NRG1: variants seen among roughly 807,000 people sequenced by gnomAD.
NRG1 encodes the protein neuregulin 1.
Under a neutral mutation model 63.8 loss-of-function variants are expected in NRG1, and 18 were observed. That is an observed-to-expected ratio of 0.28 (90% CI 0.19 to 0.42). The LOEUF is 0.42. Among genes scored for constraint, NRG1 ranks in the 10% least tolerant of loss-of-function variants. NRG1 has a pLI of 1.00. For synonymous variants in NRG1, 302 were observed against 301.3 expected (o/e 1.00, Z -0.02); for missense variants, 762 against 814.7 (o/e 0.94, Z 0.79).
At chr8:32,491,497 G>C (rs536284147) in intron 1 of NRG1, among the ~76,000 whole-genome samples, 2 of 152,306 alleles carry the variant, frequency 1.3e-5, no homozygotes, top group Admixed American at 6.5e-5. Context: ...GGGAGTTTAT[G>C]AGCAAAATGT....
chr8:31,767,690 A>C (rs1818206915), intron 1 of NRG1, among the ~76,000 whole-genome samples: 1 of 151,966 alleles, frequency 6.6e-6, no homozygotes, highest in South Asian at 2.1e-4. Context: ...AAATACAAAA[A>C]TGAGCTGGGC....
intron 1 of NRG1, among the ~76,000 whole-genome samples, chr8:32,204,250 G>A (rs943120644): frequency 2.0e-5 from 3 of 152,168 alleles, no homozygotes; most frequent in Non-Finnish European, 1.5e-5. Context: ...GCTCTTACTT[G>A]GTATAAGACA....
intron 5 of NRG1, among the ~76,000 whole-genome samples, chr8:32,700,452 T>C (rs887585467): frequency 6.6e-6 from 1 of 152,182 alleles, no homozygotes; most frequent in Non-Finnish European, 1.5e-5. Context: ...ATACTTTTCC[T>C]TGAGTGTAAA....
chr8:32,547,903 C>G (rs2129522920), upstream of NRG1, among the ~76,000 whole-genome samples: 1 of 152,306 alleles, frequency 6.6e-6, no homozygotes, highest in Admixed American at 6.5e-5. Context: ...AAACTTTTCT[C>G]TGCGCCGTCC....
At chr8:32,172,879 G>A (rs1248206905) in intron 1 of NRG1, among the ~76,000 whole-genome samples, 2 of 152,216 alleles carry the variant, frequency 1.3e-5, no homozygotes, top group African/African-American at 4.8e-5. Flanking sequence ...GTAACTGAAA[G>A]TGATGGGGAG....
intron 1 of NRG1, among the ~76,000 whole-genome samples, chr8:32,055,811 TTGG>T (rs1467431968): frequency 6.6e-6 from 1 of 152,080 alleles, no homozygotes; most frequent in Non-Finnish European, 1.5e-5. Flanking sequence ...TAGAGCCCCC[TTGG>T]TGGTGTTTTC....
intron 1 of NRG1, among the ~76,000 whole-genome samples, chr8:31,841,243 T>G (rs1385592755): frequency 8.7e-5 from 12 of 138,174 alleles, no homozygotes; most frequent in South Asian, 2.4e-4. Context: ...GAATGGGGGG[T>G]GGGTGGGCTT....
chr8:31,728,106 A>G (rs1015283006), intron 1 of NRG1, among the ~76,000 whole-genome samples: 2 of 152,214 alleles, frequency 1.3e-5, no homozygotes, highest in African/African-American at 4.8e-5. Flanking sequence ...TCCACATAAT[A>G]GTTTCAAACC....
At chr8:32,432,188 C>CTA (rs1161667914) in intron 1 of NRG1, among the ~76,000 whole-genome samples, 1 of 152,076 alleles carries the variant, frequency 6.6e-6, no homozygotes, top group African/African-American at 2.4e-5. Context: ...ATTAGGTAAA[C>CTA]CTGGGCTCAT....
At chr8:32,258,677 C>T (rs553371268) in intron 1 of NRG1, among the ~76,000 whole-genome samples, 6 of 152,076 alleles carry the variant, frequency 3.9e-5, no homozygotes, top group Admixed American at 6.5e-5. Context: ...CATCAGATCT[C>T]GTGAGAACTC....
chr8:31,659,533 C>A (rs1338422524), intron 1 of NRG1, among the ~76,000 whole-genome samples: 1 of 152,080 alleles, frequency 6.6e-6, no homozygotes, highest in Non-Finnish European at 1.5e-5. Context: ...ACCCGACCCT[C>A]AGGAGCAACA....
chr8:32,280,113 A>G (rs1407758212), intron 1 of NRG1, among the ~76,000 whole-genome samples: 1 of 149,442 alleles, frequency 6.7e-6, no homozygotes, highest in African/African-American at 2.4e-5. Flanking sequence ...TATGAATAAT[A>G]AATGAATGAA....
intron 1 of NRG1, among the ~76,000 whole-genome samples, chr8:32,081,322 A>G (rs1351255603): frequency 6.6e-6 from 1 of 152,164 alleles, no homozygotes; most frequent in Non-Finnish European, 1.5e-5. Flanking sequence ...TGTAGTCCAC[A>G]TCATGGAGGT....
chr8:32,278,003 G>A (rs1054810703), intron 1 of NRG1, among the ~76,000 whole-genome samples: 8 of 152,186 alleles, frequency 5.3e-5, no homozygotes. Context: ...CAACATCCGT[G>A]CCAAACCTTT....
chr8:32,663,660 A>G (rs1803427166), intron 5 of NRG1, among the ~76,000 whole-genome samples: 2 of 152,196 alleles, frequency 1.3e-5, no homozygotes, highest in Admixed American at 6.5e-5. Context: ...TCTGGAAAGT[A>G]AAAAGCAGCA....
chr8:32,706,501 C>T (rs1433863807), intron 5 of NRG1, among the ~76,000 whole-genome samples: 1 of 151,970 alleles, frequency 6.6e-6, no homozygotes, highest in South Asian at 2.1e-4. Context: ...TAGCTTTTTT[C>T]TGAGTTAAAC....
chr8:32,244,106 C>T (rs1848391319), intron 1 of NRG1, among the ~76,000 whole-genome samples: 1 of 152,156 alleles, frequency 6.6e-6, no homozygotes, highest in African/African-American at 2.4e-5. Flanking sequence ...GCTCAGCAAT[C>T]AAATTTATTT....
At chr8:31,760,676 A>G (rs547195878) in intron 1 of NRG1, among the ~76,000 whole-genome samples, 1 of 152,302 alleles carries the variant, frequency 6.6e-6, no homozygotes, top group African/African-American at 2.4e-5. Flanking sequence ...GAAGACATTT[A>G]TGCAGCCAAA....
chr8:32,428,033 G>A (rs1042838923), intron 1 of NRG1, among the ~76,000 whole-genome samples: 40 of 152,190 alleles, frequency 2.6e-4, no homozygotes, highest in African/African-American at 9.4e-4. Flanking sequence ...GCGTTGACTG[G>A]GGGTTGTTCT....
Sources: gnomAD v4.1 joint callset for allele counts (sites outside exome capture counted in the v4.1 genomes callset) on GRCh38, gnomAD v4.1.1 for gene constraint, MANE v1.5 for transcripts, NCBI Gene and HGNC (gene_info 2026-07-23, HGNC 2026-07-21) for gene names.